MAP2K5: variants seen among roughly 807,000 people sequenced by gnomAD.
MAP2K5 encodes the protein dual specificity mitogen-activated protein kinase kinase 5.
Under a neutral mutation model 83.1 loss-of-function variants are expected in MAP2K5, and 49 were observed. The ratio of observed to expected loss-of-function variants is 0.59; its 90% CI spans 0.47 to 0.75. The LOEUF (loss-of-function observed/expected upper bound fraction) is 0.75. Ranked by LOEUF, MAP2K5 falls within the 30% of genes least tolerant of loss-of-function variation. The probability of loss-of-function intolerance (pLI) is 0.00; values close to 1 mark genes in which losing one functional copy is unlikely to be tolerated. For synonymous variants in MAP2K5, 202 were observed against 191.8 expected, an observed-to-expected ratio of 1.05 and a Z score of -0.44; for missense variants, 457 against 557.5, an observed-to-expected ratio of 0.82 and a Z score of 1.82.
intron 1 of MAP2K5, among the ~76,000 whole-genome samples, chr15:67,545,707 A>G (rs2084375609): frequency 6.6e-6 from 1 of 152,194 alleles, no homozygotes; most frequent in Non-Finnish European, 1.5e-5. Flanking sequence ...TGCAAGTTGT[A>G]CTACTGGGGC....
chr15:67,622,196 A>G (rs1488311522), intron 8 of MAP2K5, among the ~76,000 whole-genome samples: 1 of 151,650 alleles, frequency 6.6e-6, no homozygotes, highest in African/African-American at 2.4e-5. Context: ...TGAAGGGAGA[A>G]TGTGCTGTTT....
At chr15:67,586,252 A>G (rs2085288286) in intron 5 of MAP2K5, among the ~76,000 whole-genome samples, 2 of 152,248 alleles carry the variant, frequency 1.3e-5, no homozygotes, top group Admixed American at 6.5e-5. Flanking sequence ...AATTAAGCAC[A>G]TAAGCATATT....
chr15:67,628,123 GA>G (rs2086369329), intron 8 of MAP2K5: 1 of 857,590 alleles, frequency 1.2e-6, no homozygotes, highest in African/African-American at 1.7e-5. Context: ...GCTGTCTCAA[GA>G]GGAGATTCTC....
Position 67,563,792 on chromosome 15 carries a change from G to C in MAP2K5, c.252+442G>C, listed in dbSNP as rs1361610341. Among the ~76,000 whole-genome samples, 1 of 152,026 alleles carries C rather than the reference G, an allele frequency of 6.6e-6. No homozygotes were observed. Among genetic ancestry groups the C allele is most frequent in the Non-Finnish European group, 1.5e-5 (1 of 67,994 alleles). On this transcript the variant is annotated intron_variant, in intron 3 of 21. Transcript: ENST00000178640. The surrounding 1 kb of genome is among the most constrained non-coding windows in gnomAD (Gnocchi z 4.5). ...TACACGATTTAAAGATGTACTGTTGGTTATTTATGCACTACCCATAATACT... is the reference window on the plus strand; with the variant it reads ...TACACGATTTAAAGATGTACTGTTGCTTATTTATGCACTACCCATAATACT...
In MAP2K5 at chr15:67,717,270, C is replaced by T. The variant is rs1323437860; in HGVS notation, c.1045-10646C>T. Reference sequence around the variant, plus strand: ...ATTTCAAAATGTGCTAGTTACCTTTCAGAAACTAAGGCCTAGTTTATTTAT... The same window carrying T: ...ATTTCAAAATGTGCTAGTTACCTTTTAGAAACTAAGGCCTAGTTTATTTAT... On this transcript the variant is annotated intron_variant, in intron 16 of 21. Coordinates refer to ENST00000178640, the MANE Select transcript of MAP2K5 (RefSeq NM_145160.3). The surrounding 1 kb of genome is among the most constrained non-coding windows in gnomAD (Gnocchi z 4.1). Among the ~76,000 whole-genome samples, 1 of 152,170 alleles carries T rather than the reference C, an allele frequency of 6.6e-6. No individual in the cohort carries two copies. Among genetic ancestry groups the T allele is most frequent in the Admixed American group, 6.5e-5 (1 of 15,278 alleles).
chr15:67,590,327 G>GAA (rs2085371834), intron 6 of MAP2K5, among the ~76,000 whole-genome samples: 1 of 151,892 alleles, frequency 6.6e-6, no homozygotes, highest in South Asian at 2.1e-4. Context: ...GTGCCAAATG[G>GAA]AATATGTGTA....
intron 11 of MAP2K5, among the ~76,000 whole-genome samples, chr15:67,649,572 G>A (rs372306946): frequency 3.9e-5 from 6 of 152,068 alleles, no homozygotes; most frequent in African/African-American, 1.2e-4. Flanking sequence ...TTCCAGTACC[G>A]TTTGTTAAAG....
chr15:67,696,610 G>C (rs550999127), intron 15 of MAP2K5, among the ~76,000 whole-genome samples: 2 of 152,092 alleles, frequency 1.3e-5, no homozygotes, highest in Admixed American at 6.5e-5. Flanking sequence ...GGGTGAAACA[G>C]GGAACACGAC....
In MAP2K5 at chr15:67,637,042, C is replaced by G. The variant is rs957320430; in HGVS notation, c.585+6115C>G. 3.3e-5 allele frequency among the ~76,000 whole-genome samples: 5 copies of G among 152,148 alleles called. No individual in the cohort carries two copies. Among genetic ancestry groups the G allele is most frequent in the African/African-American group, 4.8e-5 (2 of 41,420 alleles). On this transcript the variant is annotated intron_variant, in intron 9 of 21. Transcript: ENST00000178640. This position sits in a 1 kb window ranked among gnomAD's most constrained non-coding sequence, Gnocchi z 4.5. The stretch of plus-strand genomic sequence containing the variant: ...GCTTCCTGACCTTGAACATCAGACT[C>G]CAAGTTCTTCAGCTTTTGGACTCTT...
chr15:67,639,334 A>G (rs1249904793), intron 9 of MAP2K5, among the ~76,000 whole-genome samples: 3 of 152,230 alleles, frequency 2.0e-5, no homozygotes, highest in East Asian at 3.8e-4. Context: ...TTCTCAGTAA[A>G]TAGAAGCTAC....
intron 8 of MAP2K5, chr15:67,628,500 A>G (rs1401474462): frequency 2.6e-5 from 18 of 697,872 alleles, no homozygotes; most frequent in Admixed American, 2.0e-4. Context: ...AAAATAAAAA[A>G]TAAAAAAAAG....
chr15:67,626,168 A>C (rs1366093146), intron 8 of MAP2K5, among the ~76,000 whole-genome samples: 4 of 152,260 alleles, frequency 2.6e-5, no homozygotes, highest in African/African-American at 9.6e-5. Context: ...ATATATCACA[A>C]AGTCTTACGT....
In MAP2K5 at chr15:67,626,180, TTA is replaced by T. The variant is rs568137772; in HGVS notation, c.546-4706_546-4705del. Among the ~76,000 whole-genome samples the T allele has an allele frequency of 1.3e-3, 197 of 152,280 alleles. 1 individual carries two copies. Among genetic ancestry groups the T allele is most frequent in the African/African-American group, 4.3e-3 (179 of 41,562 alleles). On this transcript the variant is annotated intron_variant, in intron 8 of 21. Transcript: ENST00000178640. ...ATAATATATCACAAAGTCTTACGTA[TTA>T]TGTTACTTGGATTTACGTGGAATAA...
At position 67,569,028 on chromosome 15, in the gene MAP2K5, A is replaced by C. The variant is rs577647182; in HGVS notation, c.252+5678A>C. ...CTCAAAAAAAAAAAAAACAAAAAAA[A>C]AAAACAAAACTCTGTGGGCGTCTGA... is the stretch of plus-strand genomic sequence containing the variant. On this transcript the variant is annotated intron_variant, in intron 3 of 21. Coordinates refer to ENST00000178640, the MANE Select transcript of MAP2K5 (RefSeq NM_145160.3). Among the ~76,000 whole-genome samples, 37 of 151,824 alleles carry C rather than the reference A, an allele frequency of 2.4e-4. 1 individual carries two copies. The highest frequency in any genetic ancestry group is 1.2e-3 in the East Asian group (6 of 5,174).
intron 9 of MAP2K5, chr15:67,642,543 G>C (rs1192918732): frequency 4.6e-6 from 5 of 1,094,566 alleles, no homozygotes; most frequent in Non-Finnish European, 7.1e-6. Context: ...GGGTCTAAAA[G>C]ATAGAACAGG....
In MAP2K5 at chr15:67,800,218, C is replaced by T. The variant is rs548327772; in HGVS notation, c.1243-6428C>T. The stretch of plus-strand genomic sequence containing the variant: ...AACGTCTCTAATCTGAAGTTTTCTC[C>T]GGGGATTAGATTGGTAGCTTTAAAA... On this transcript the variant is annotated intron_variant, in intron 21 of 21. Transcript: ENST00000178640. Among the ~76,000 whole-genome samples the T allele has an allele frequency of 9.2e-5, 14 of 152,252 alleles. No individual in the cohort carries two copies. In the South Asian group the frequency reaches 1.5e-3, roughly 16 times the overall value.
chr15:67,786,639 A>G lies in MAP2K5; in HGVS notation c.1242+13887A>G, dbSNP rs112912627. ...GGATGCCTGGCTCGGGCCTGAGTAC[A>G]GAACTTGGAAAGTGGTGGTACAACA... On this transcript the variant is annotated intron_variant, in intron 21 of 21. Coordinates refer to ENST00000178640, the MANE Select transcript of MAP2K5 (RefSeq NM_145160.3). This position sits in a 1 kb window ranked among gnomAD's most constrained non-coding sequence, Gnocchi z 4.7. Among the ~76,000 whole-genome samples, 631 of 152,330 alleles carry G rather than the reference A, an allele frequency of 4.1e-3. 7 individuals carry two copies. Among genetic ancestry groups the G allele is most frequent in the African/African-American group, 0.015 (603 of 41,574 alleles).
intron 17 of MAP2K5, among the ~76,000 whole-genome samples, chr15:67,735,163 A>G (rs2089310474): frequency 6.6e-6 from 1 of 152,234 alleles, no homozygotes; most frequent in African/African-American, 2.4e-5. Context: ...TTGTGTACTT[A>G]TCAAGAAGTC....
chr15:67,638,041 TA>T lies in MAP2K5; in HGVS notation c.585+7120del, dbSNP rs1463320109. ...TTTTTACTTTTAATTTTTTAAAAAT[TA>T]AAAAAGTTAATTTTTTTAACTTTTA... On this transcript the variant is annotated intron_variant, in intron 9 of 21. Transcript: ENST00000178640. This position sits in a 1 kb window ranked among gnomAD's most constrained non-coding sequence, Gnocchi z 4.5. Among the ~76,000 whole-genome samples the T allele has an allele frequency of 1.3e-5, 2 of 152,088 alleles. No homozygotes were observed. Among genetic ancestry groups the T allele is most frequent in the Admixed American group, 1.3e-4 (2 of 15,278 alleles).
Sources: gnomAD v4.1 joint callset for allele counts (sites outside exome capture counted in the v4.1 genomes callset) on GRCh38, gnomAD v4.1.1 for gene constraint, Gnocchi (gnomAD v3.1) non-coding constraint, MANE v1.5 for transcripts, NCBI Gene and HGNC (gene_info 2026-07-23, HGNC 2026-07-21) for gene names.